Variants in FAM135B observed in about 807,000 individuals in gnomAD.
The protein encoded by FAM135B is family with sequence similarity 135 member B.
FAM135B carries 43 observed loss-of-function variants against 127.7 expected under a neutral mutation model. The ratio of observed to expected loss-of-function variants is 0.34; its 90% CI spans 0.26 to 0.43. The LOEUF is 0.43. FAM135B is among the 20% of genes least tolerant of loss of function. The pLI is 1.00. For missense variants in FAM135B, 1,558 were observed against 1,725.6 expected (o/e 0.90, Z 1.72); for synonymous variants, 670 against 665.1 (o/e 1.01, Z -0.11).
At chr8:138,188,985 GC>G (rs34355116) in intron 9 of FAM135B, among the ~76,000 whole-genome samples, 6,058 of 152,256 alleles carry the variant, frequency 0.04, 246 homozygotes, top group African/African-American at 0.1. Context: ...TCCTGGAACT[GC>G]TGCCCAAAGT....
rs1014280609 is a variant in FAM135B, at chr8:138,292,637, T to C, written c.157+18204A>G. ...TAGAAAAATTGTTTTAAAATTCATA[T>C]TGAGTTCATATAAAATTCATAAAAG... On this transcript the variant is annotated intron_variant, in intron 3 of 19. Transcript: ENST00000395297. 5.9e-5 allele frequency among the ~76,000 whole-genome samples: 9 copies of C among 152,212 alleles called. No homozygotes were observed. In the East Asian group the frequency reaches 9.6e-4, roughly 16 times the overall value.
chr8:138,493,782 C>T (rs558587189), intron 1 of FAM135B, among the ~76,000 whole-genome samples: 2 of 152,298 alleles, frequency 1.3e-5, no homozygotes, highest in East Asian at 3.9e-4. Flanking sequence ...TATGGCACAG[C>T]TATTAATTCG....
In FAM135B at chr8:138,224,835, T is replaced by A. The variant is rs149097288; in HGVS notation, c.669+18107A>T. On this transcript the variant is annotated intron_variant, in intron 7 of 19. Coordinates refer to ENST00000395297, the MANE Select transcript of FAM135B (RefSeq NM_015912.4). The stretch of plus-strand genomic sequence containing the variant: ...CACAGAATACACAAATCCTGCACGA[T>A]CTCAGTTATATGTGGAATCTAAAAA... 3.3e-5 allele frequency among the ~76,000 whole-genome samples: 5 copies of A among 152,150 alleles called. No homozygotes were observed. In the East Asian group the frequency reaches 9.7e-4, roughly 29 times the overall value.
At chr8:138,421,402 C>CTT (rs1295381793) in intron 1 of FAM135B, among the ~76,000 whole-genome samples, 13 of 152,140 alleles carry the variant, frequency 8.5e-5, no homozygotes, top group African/African-American at 3.1e-4. Context: ...ATCCCGTAGT[C>CTT]TCTGTATAGA....
In FAM135B at chr8:138,217,622, G is replaced by A. The variant is rs553215618; in HGVS notation, c.670-19953C>T. Among the ~76,000 whole-genome samples, 14 of 151,940 alleles carry A rather than the reference G, an allele frequency of 9.2e-5. 1 individual carries two copies. The South Asian group carries it at 1.7e-3, about 18-fold the overall frequency. ...ATTTTTTTGTATTTTTAGTAGAGAC[G>A]GGGTTTCACCATGTTAGCCAGGATG... On this transcript the variant is annotated intron_variant, in intron 7 of 19. Transcript: ENST00000395297.
chr8:138,360,372 G>A (rs1356755125), intron 2 of FAM135B, among the ~76,000 whole-genome samples: 1 of 152,142 alleles, frequency 6.6e-6, no homozygotes, highest in African/African-American at 2.4e-5. Context: ...ATTTCCTTGG[G>A]GGAAAAGTAT....
At chr8:138,194,332 G>A (rs531910742) in intron 9 of FAM135B, among the ~76,000 whole-genome samples, 1 of 152,216 alleles carries the variant, frequency 6.6e-6, no homozygotes, top group African/African-American at 2.4e-5. Context: ...CCCTCTCCAG[G>A]GATCTCCTCT....
At chr8:138,462,758 C>G (rs1007381703) in intron 1 of FAM135B, among the ~76,000 whole-genome samples, 1 of 152,064 alleles carries the variant, frequency 6.6e-6, no homozygotes, top group African/African-American at 2.4e-5. Flanking sequence ...CAAGCACCAG[C>G]GTGAGGTGCA....
chr8:138,352,133 T>C (rs1187164973), intron 2 of FAM135B, among the ~76,000 whole-genome samples: 5 of 152,314 alleles, frequency 3.3e-5, no homozygotes, highest in South Asian at 2.1e-4. Flanking sequence ...TGGGAAACCA[T>C]TGGCACCCAG....
chr8:138,304,219 C>T (rs535635745), intron 3 of FAM135B, among the ~76,000 whole-genome samples: 4 of 152,258 alleles, frequency 2.6e-5, no homozygotes, highest in Admixed American at 6.5e-5. Context: ...TTCCATGACC[C>T]TGTGTTAGTA....
intron 1 of FAM135B, among the ~76,000 whole-genome samples, chr8:138,446,902 C>T (rs987018792): frequency 6.6e-6 from 1 of 152,056 alleles, no homozygotes; most frequent in Non-Finnish European, 1.5e-5. Flanking sequence ...TTGCAATCTA[C>T]TCATCTGACA....
chr8:138,156,028 C>T (rs1165625048), intron 12 of FAM135B, among the ~76,000 whole-genome samples: 1 of 152,138 alleles, frequency 6.6e-6, no homozygotes, highest in Non-Finnish European at 1.5e-5. Flanking sequence ...TATTCCAAAA[C>T]TGACCAAATA....
At chr8:138,314,518 T>C (rs1826924573) in intron 2 of FAM135B, among the ~76,000 whole-genome samples, 1 of 151,908 alleles carries the variant, frequency 6.6e-6, no homozygotes, top group Non-Finnish European at 1.5e-5. Context: ...AACAAGCTCA[T>C]GAAAAGATGC....
intron 3 of FAM135B, among the ~76,000 whole-genome samples, chr8:138,300,353 T>C (rs1825797124): frequency 6.6e-6 from 1 of 152,078 alleles, no homozygotes; most frequent in Non-Finnish European, 1.5e-5. Context: ...GCCTGGAGAC[T>C]GCCCTCCTGC....
intron 1 of FAM135B, among the ~76,000 whole-genome samples, chr8:138,382,652 G>T (rs1478770870): frequency 1.3e-5 from 2 of 152,094 alleles, no homozygotes; most frequent in African/African-American, 2.4e-5. Flanking sequence ...AAAAACCAAA[G>T]AATTTATACA....
intron 2 of FAM135B, among the ~76,000 whole-genome samples, chr8:138,336,503 C>A (rs544046199): frequency 5.0e-4 from 76 of 152,266 alleles, no homozygotes; most frequent in African/African-American, 1.8e-3. Context: ...ACTAGAAAAT[C>A]TAGAAGAAAT....
intron 7 of FAM135B, among the ~76,000 whole-genome samples, chr8:138,240,251 C>A (rs72723654): frequency 6.6e-6 from 1 of 152,176 alleles, no homozygotes; most frequent in Admixed American, 6.5e-5. Flanking sequence ...TGCTTTCTAC[C>A]GCATTGTAAC....
intron 1 of FAM135B, among the ~76,000 whole-genome samples, chr8:138,406,847 C>G (rs1211880855): frequency 2.6e-5 from 4 of 151,244 alleles, no homozygotes; most frequent in Non-Finnish European, 3.0e-5. Flanking sequence ...TGAAAACTGG[C>G]ACAAGACAGG....
At position 138,207,631 on chromosome 8, in the gene FAM135B, G is replaced by A. The variant is rs533230922; in HGVS notation, c.670-9962C>T. Among the ~76,000 whole-genome samples the A allele has an allele frequency of 3.9e-5, 6 of 152,254 alleles. No homozygotes were observed. The South Asian group carries it at 1.2e-3, about 32-fold the overall frequency. On this transcript the variant is annotated intron_variant, in intron 7 of 19. Coordinates refer to ENST00000395297, the MANE Select transcript of FAM135B (RefSeq NM_015912.4). ...CCCACAGAGTGGAGCTAGAGCCAATGGATGGATGTCATAGGAAGGCACATA... is the reference window on the plus strand; with the variant it reads ...CCCACAGAGTGGAGCTAGAGCCAATAGATGGATGTCATAGGAAGGCACATA...
Sources: gnomAD v4.1 joint callset for allele counts (sites outside exome capture counted in the v4.1 genomes callset) on GRCh38, gnomAD v4.1.1 for gene constraint, MANE v1.5 for transcripts, NCBI Gene and HGNC (gene_info 2026-07-23, HGNC 2026-07-21) for gene names.